Variants in PDE7B observed in about 807,000 individuals in gnomAD.
PDE7B encodes the protein 3',5'-cyclic-AMP phosphodiesterase 7B.
PDE7B carries 29 observed loss-of-function variants against 56.2 expected under a neutral mutation model. That is an observed-to-expected ratio of 0.52 (90% CI 0.38 to 0.70). PDE7B has a LOEUF of 0.70. Among genes scored for constraint, PDE7B ranks in the 30% least tolerant of loss-of-function variants. PDE7B has a pLI of 0.00. For synonymous variants in PDE7B, 197 were observed against 196.9 expected (o/e 1.00, Z 0.00); for missense variants, 490 against 565.0 (o/e 0.87, Z 1.35).
intron 3 of PDE7B, among the ~76,000 whole-genome samples, chr6:136,124,962 TTG>T (rs1777997037): frequency 6.6e-6 from 1 of 152,238 alleles, no homozygotes; most frequent in South Asian, 2.1e-4. Context: ...ATCAAATTAT[TTG>T]TATTTGTGAT....
chr6:136,074,767 T>C (rs1394940086), intron 2 of PDE7B, among the ~76,000 whole-genome samples: 1 of 152,210 alleles, frequency 6.6e-6, no homozygotes, highest in Non-Finnish European at 1.5e-5. Flanking sequence ...CTCATTCTTT[T>C]TTATGGCTGA....
chr6:135,913,722 T>G (rs1269439360), intron 1 of PDE7B, among the ~76,000 whole-genome samples: 3 of 152,224 alleles, frequency 2.0e-5, no homozygotes, highest in Non-Finnish European at 2.9e-5. Context: ...AAACCCTAGT[T>G]TTTTGTTATC....
intron 2 of PDE7B, among the ~76,000 whole-genome samples, chr6:136,092,420 G>T (rs1049692152): frequency 2.0e-5 from 3 of 152,154 alleles, no homozygotes; most frequent in Non-Finnish European, 4.4e-5. Flanking sequence ...GGCAAAAATT[G>T]TCTAAATTTT....
intron 1 of PDE7B, among the ~76,000 whole-genome samples, chr6:135,933,051 A>G (rs1043170128): frequency 1.3e-5 from 2 of 152,146 alleles, no homozygotes; most frequent in Non-Finnish European, 2.9e-5. Flanking sequence ...CTCTGTCTCC[A>G]TGGTTTTTGG....
intron 8 of PDE7B, among the ~76,000 whole-genome samples, 177 bp from the exon 9 acceptor site, chr6:136,173,620 C>G (rs1778928865): frequency 6.6e-6 from 1 of 152,124 alleles, no homozygotes; most frequent in African/African-American, 2.4e-5. Context: ...ATCATCACAG[C>G]CTTGAGACTA....
At chr6:135,906,829 T>TTTTTTTTTTTTGTTTTTTTTTTTTTTTG (rs1562434158) in intron 1 of PDE7B, among the ~76,000 whole-genome samples, 3 of 142,604 alleles carry the variant, frequency 2.1e-5, no homozygotes, top group African/African-American at 8.5e-5. Context: ...TTTTTTTTTT[T>TTTTTTTTTTTTGTTTTTTTTTTTTTTTG]TTTTTTTAAT....
rs752187218 is a variant in PDE7B, at chr6:136,191,013, CTTTTTT to C, written c.1127-582_1127-577del. Among the ~76,000 whole-genome samples, 599 of 99,298 alleles carry C rather than the reference CTTTTTT, an allele frequency of 6.0e-3. 16 individuals are homozygous for C. Among genetic ancestry groups the C allele is most frequent in the African/African-American group, 0.045 (498 of 11,130 alleles). The allele number at this position is 99,298 out of a possible 152,430, so 65.1% of individuals were successfully genotyped here. ...CTGCCTTCTTTAGCTCCAGCATACA[CTTTTTT>C]TTTTTTTTTTTTTTTTTTACTTATA... On this transcript the variant is annotated intron_variant, in intron 12 of 12. Transcript: ENST00000308191.
At chr6:135,986,893 G>C (rs1044468746) in intron 2 of PDE7B, among the ~76,000 whole-genome samples, 1 of 152,170 alleles carries the variant, frequency 6.6e-6, no homozygotes, top group African/African-American at 2.4e-5. Context: ...TGCCGTCCTA[G>C]GTTTAGACTT....
intron 1 of PDE7B, among the ~76,000 whole-genome samples, chr6:135,910,194 C>G (rs901026121): frequency 1.3e-5 from 2 of 152,104 alleles, no homozygotes; most frequent in Non-Finnish European, 1.5e-5. Flanking sequence ...GTGTGAAACT[C>G]AAAGAGTATG....
intron 2 of PDE7B, among the ~76,000 whole-genome samples, chr6:135,956,015 C>T (rs1350665052): frequency 1.3e-5 from 2 of 152,018 alleles, no homozygotes; most frequent in African/African-American, 2.4e-5. Flanking sequence ...GGCGACATAA[C>T]AGAAATGAGA....
At chr6:136,037,475 A>C (rs1269221596) in intron 2 of PDE7B, 1 of 985,298 alleles carries the variant, frequency 1.0e-6, no homozygotes, top group Non-Finnish European at 1.2e-6. Flanking sequence ...AGCGAGAGTG[A>C]TCAAACTGAG....
chr6:135,854,608 A>G (rs1406806126), intron 1 of PDE7B, among the ~76,000 whole-genome samples: 1 of 152,038 alleles, frequency 6.6e-6, no homozygotes, highest in African/African-American at 2.4e-5. Context: ...CTCTATTGAC[A>G]CCTCCTCATG....
intron 2 of PDE7B, among the ~76,000 whole-genome samples, chr6:136,027,538 T>C (rs1243238738): frequency 6.6e-6 from 1 of 152,160 alleles, no homozygotes; most frequent in East Asian, 1.9e-4. Context: ...TTTTAAAGTG[T>C]GAAGTAAAAA....
intron 1 of PDE7B, among the ~76,000 whole-genome samples, chr6:135,861,952 C>T (rs963705491): frequency 6.6e-6 from 1 of 151,818 alleles, no homozygotes; most frequent in African/African-American, 2.4e-5. Context: ...CAATCAACTT[C>T]TGTATATCAA....
intron 3 of PDE7B, among the ~76,000 whole-genome samples, chr6:136,120,074 G>A (rs1163000937): frequency 1.3e-5 from 2 of 152,116 alleles, no homozygotes; most frequent in African/African-American, 4.8e-5. Flanking sequence ...GTGAGTAAGC[G>A]TGCTTAGAGT....
At position 136,155,771 on chromosome 6, in the gene PDE7B, A is replaced by G; in HGVS notation, c.711+13A>G. 1 of 1,613,832 alleles carries G rather than the reference A, an allele frequency of 6.2e-7. No homozygotes were observed. Among genetic ancestry groups the G allele is most frequent in the South Asian group, 1.1e-5 (1 of 91,084 alleles). On this transcript the variant is annotated intron_variant, in intron 8 of 12. Transcript: ENST00000308191. ...AAACCTATATCAGGTAAGGGAGCCC[A>G]ACCTGGAGCCAGCCACAGTATGGTC... is the stretch of plus-strand genomic sequence containing the variant.
At chr6:136,147,582 T>C (rs1321284828) in intron 4 of PDE7B, 80 bp downstream of exon 4, 3 of 1,197,026 alleles carry the variant, frequency 2.5e-6, no homozygotes, top group Non-Finnish European at 3.7e-6. Flanking sequence ...GGTGTTGGAG[T>C]CCTACTCTGC....
chr6:136,154,823 A>G (rs1778579236), intron 7 of PDE7B, among the ~76,000 whole-genome samples: 1 of 152,250 alleles, frequency 6.6e-6, no homozygotes, highest in African/African-American at 2.4e-5. Context: ...AGGTTTCTGG[A>G]AAATTATATT....
intron 1 of PDE7B, among the ~76,000 whole-genome samples, chr6:135,930,677 A>G (rs1343230997): frequency 6.6e-6 from 1 of 152,168 alleles, no homozygotes; most frequent in Non-Finnish European, 1.5e-5. Flanking sequence ...AAAGGATTAA[A>G]TCAAGTGAGA....
Sources: allele counts gnomAD v4.1 joint callset (sites outside exome capture counted in the v4.1 genomes callset), GRCh38; gene constraint gnomAD v4.1.1; transcripts MANE v1.5; gene names NCBI Gene and HGNC (gene_info 2026-07-23, HGNC 2026-07-21).